Variants in FRMPD4 observed in about 807,000 individuals in gnomAD.
FRMPD4 encodes the protein FERM and PDZ domain-containing protein 4.
FRMPD4 carries 22 observed loss-of-function variants against 94.1 expected under a neutral mutation model. The ratio of observed to expected loss-of-function variants is 0.23; its 90% CI spans 0.17 to 0.33. The LOEUF (loss-of-function observed/expected upper bound fraction) is 0.33, where lower values mean the gene tolerates loss of function less well. FRMPD4 is among the 10% of genes least tolerant of loss of function. FRMPD4 has a pLI of 1.00. For missense variants in FRMPD4, 1,111 were observed against 1,339.9 expected (o/e 0.83, Z 2.67); for synonymous variants, 631 against 548.6 (o/e 1.15, Z -2.10).
chrX:12,695,973 T>C (rs192609578), intron 9 of FRMPD4, among the ~76,000 whole-genome samples: 43 of 111,139 alleles, frequency 3.9e-4, no homozygotes, highest in African/African-American at 1.4e-3. Flanking sequence ...CACCCTCAGG[T>C]GATCTGCCCA....
At chrX:11,859,218 A>C (rs766596263) in intron 1 of FRMPD4, among the ~76,000 whole-genome samples, 1 of 111,959 alleles carries the variant, frequency 8.9e-6, no homozygotes, top group South Asian at 3.7e-4. Context: ...ACTTGCAGAG[A>C]AGGACAAAAT....
chrX:11,860,445 G>A (rs1157570426), intron 1 of FRMPD4, among the ~76,000 whole-genome samples: 2 of 111,890 alleles, frequency 1.8e-5, no homozygotes, highest in Non-Finnish European at 3.8e-5. Context: ...TTGCTAAGCA[G>A]AATTTTGATG....
chrX:11,991,408 C>A (rs1015170753), intron 3 of FRMPD4, among the ~76,000 whole-genome samples: 1 of 111,910 alleles, frequency 8.9e-6, no homozygotes, highest in Non-Finnish European at 1.9e-5. Flanking sequence ...GAGTCAAGCT[C>A]TTATCGTTGC....
At chrX:11,890,734 G>T (rs767733337) in intron 3 of FRMPD4, among the ~76,000 whole-genome samples, 2 of 112,628 alleles carry the variant, frequency 1.8e-5, no homozygotes, top group African/African-American at 6.4e-5. Flanking sequence ...AGGGCTTTTT[G>T]ACTCCAAATT....
chrX:11,887,578 C>G (rs1240495630), intron 3 of FRMPD4, among the ~76,000 whole-genome samples: 2 of 112,317 alleles, frequency 1.8e-5, no homozygotes, highest in Non-Finnish European at 3.8e-5. Context: ...ATTTGCCTTT[C>G]TTTACCTACA....
intron 2 of FRMPD4, among the ~76,000 whole-genome samples, chrX:12,544,574 T>C (rs2058454845): frequency 8.9e-6 from 1 of 112,004 alleles, no homozygotes; most frequent in Non-Finnish European, 1.9e-5. Flanking sequence ...GTTACTGAGA[T>C]GACTTTTAAT....
intron 3 of FRMPD4, among the ~76,000 whole-genome samples, chrX:11,923,413 T>C (rs5978476): frequency 0.36 from 40,138 of 110,545 alleles, 5,641 homozygotes; most frequent in East Asian, 0.82. Context: ...AAGCCAACAC[T>C]ACCTTAAGGG....
At chrX:12,188,591 G>A (rs370608982) in intron 1 of FRMPD4, among the ~76,000 whole-genome samples, 75 of 111,836 alleles carry the variant, frequency 6.7e-4, no homozygotes, top group African/African-American at 2.4e-3. Context: ...AGAATGACAA[G>A]AATTTCGATA....
intron 5 of FRMPD4, among the ~76,000 whole-genome samples, chrX:12,682,818 G>A (rs765592411): frequency 4.5e-5 from 5 of 111,880 alleles, no homozygotes; most frequent in Non-Finnish European, 9.4e-5. Context: ...AAAGCACAAA[G>A]AGCCCATAAG....
chrX:12,669,284 G>A (rs1307245138), intron 4 of FRMPD4, among the ~76,000 whole-genome samples: 1 of 111,788 alleles, frequency 8.9e-6, no homozygotes, highest in East Asian at 2.8e-4. Context: ...ACAGCCTAAA[G>A]AGGATTTTCA....
At chrX:12,146,115 A>T (rs954543511) in intron 1 of FRMPD4, among the ~76,000 whole-genome samples, 2 of 110,151 alleles carry the variant, frequency 1.8e-5, no homozygotes, top group Non-Finnish European at 3.8e-5. Flanking sequence ...TGTAATCCCA[A>T]CACTTTGGGA....
chrX:12,359,990 C>G (rs987590569), intron 1 of FRMPD4, among the ~76,000 whole-genome samples: 4 of 112,012 alleles, frequency 3.6e-5, no homozygotes, highest in African/African-American at 1.3e-4. Context: ...CTGTGAATCA[C>G]GCTTGATGGA....
At position 12,710,406 on chromosome X, in the gene FRMPD4, C is replaced by T. The variant is rs770537437; in HGVS notation, c.1478C>T (p.Thr493Met). The T allele has an allele frequency of 1.0e-5, 12 of 1,202,063 alleles. No individual in the cohort carries two copies. Among genetic ancestry groups the T allele is most frequent in the East Asian group, 3.0e-5 (1 of 33,662 alleles). The part of the protein sequence containing the change: ...ELHVLDVKPI[T>M]LLMESSDAMN... ...GTGTTCTCTTTTGTGTAGCCTATCA[C>T]GCTTCTGATGGAATCCTCAGATGCC... The change falls in exon 14 of 17, where the codon ACG (threonine) becomes ATG (methionine). Residue 493 changes from threonine to methionine, a missense_variant. This residue lies in a region of FRMPD4 where 111 missense variants were observed against 160.7 expected (regional missense o/e 0.69). Transcript: ENST00000675598.
chrX:12,711,858 C>T (rs2041993596), intron 14 of FRMPD4, among the ~76,000 whole-genome samples: 1 of 103,334 alleles, frequency 9.7e-6, no homozygotes, highest in Non-Finnish European at 2.0e-5. Context: ...GCATAAACAT[C>T]AATCTTTATT....
At chrX:12,127,095 G>A (rs1371952636) in intron 3 of FRMPD4, among the ~76,000 whole-genome samples, 3 of 111,965 alleles carry the variant, frequency 2.7e-5, no homozygotes, top group African/African-American at 9.8e-5. Context: ...CTCAGGGAAT[G>A]CACTCCAATT....
chrX:12,514,155 G>A lies in FRMPD4; in HGVS notation c.158+15359G>A, dbSNP rs60587516. 2.1e-3 allele frequency among the ~76,000 whole-genome samples: 230 copies of A among 111,450 alleles called. 1 individual carries two copies. Among genetic ancestry groups the A allele is most frequent in the African/African-American group, 6.5e-3 (201 of 30,702 alleles). ...GGTTTTCTAGATATGGGATCATGTCGTCTACAAACAGAGACAGTTTGACTT... is the reference window on the plus strand; with the variant it reads ...GGTTTTCTAGATATGGGATCATGTCATCTACAAACAGAGACAGTTTGACTT... On this transcript the variant is annotated intron_variant, in intron 2 of 16. Transcript: ENST00000675598.
intron 2 of FRMPD4, chrX:12,583,420 A>G (rs6530541): frequency 0.14 from 170,978 of 1,184,584 alleles, 11,997 homozygotes; most frequent in African/African-American, 0.51. Flanking sequence ...CTCACCGAAC[A>G]TGGCTTCCAG....
chrX:11,865,849 A>G (rs998084723), intron 2 of FRMPD4, among the ~76,000 whole-genome samples: 1 of 112,235 alleles, frequency 8.9e-6, no homozygotes, highest in Non-Finnish European at 1.9e-5. Context: ...AGTCTTTGAC[A>G]TGTAACTATT....
In FRMPD4 at chrX:12,450,882, A is replaced by AAG. The variant is rs1204578656; in HGVS notation, c.42-47788_42-47787dup. ...TTTATCCAAAAAAAAAAAAAAAAAA[A>AAG]AGAGAGAGAGAAACAGACTGAGAGA... On this transcript the variant is annotated intron_variant, in intron 1 of 16. Coordinates refer to ENST00000675598, the MANE Select transcript of FRMPD4 (RefSeq NM_001368397.1). Among the ~76,000 whole-genome samples, 209 of 107,095 alleles carry AAG rather than the reference A, an allele frequency of 2.0e-3. 1 individual carries two copies. The highest frequency in any genetic ancestry group is 6.9e-3 in the African/African-American group (198 of 28,888). The allele number at this position is 107,095 out of a possible 115,157, so 93.0% of individuals were successfully genotyped here. A position where few individuals can be genotyped will look rare whatever the true frequency, so the allele number is the denominator to read the frequency against.
Sources: gnomAD v4.1 joint callset for allele counts (sites outside exome capture counted in the v4.1 genomes callset) on GRCh38, gnomAD v4.1.1 for gene constraint, gnomAD v4.1.1 regional missense constraint, MANE v1.5 for transcripts, NCBI Gene and HGNC (gene_info 2026-07-23, HGNC 2026-07-21) for gene names.